The following SGCZ variants were observed in gnomAD, a reference collection of about 807,000 sequenced individuals.
SGCZ encodes the protein zeta-sarcoglycan.
In SGCZ, 40 loss-of-function variants were observed where a neutral mutation model predicts 41.3. The observed-to-expected ratio is 0.97, with a 90% CI of 0.75 to 1.26. The LOEUF is 1.26. Among genes scored for constraint, SGCZ ranks in the 50% most tolerant of loss-of-function variants. SGCZ has a pLI of 0.00. For missense variants in SGCZ, 552 were observed against 369.8 expected, an observed-to-expected ratio of 1.49 and a Z score of -4.04; for synonymous variants, 206 against 137.5, an observed-to-expected ratio of 1.50 and a Z score of -3.49.
chr8:14,838,702 C>T (rs1025842741), intron 1 of SGCZ, among the ~76,000 whole-genome samples: 16 of 152,160 alleles, frequency 1.1e-4, no homozygotes, highest in African/African-American at 3.6e-4. Flanking sequence ...CCCTGTGACA[C>T]GGCTTGGTGT....
chr8:15,067,448 G>C (rs961239087), intron 1 of SGCZ, among the ~76,000 whole-genome samples: 12 of 152,118 alleles, frequency 7.9e-5, no homozygotes, highest in Non-Finnish European at 1.6e-4. Context: ...ACCTACCATA[G>C]ATAAGTTAAG....
intron 2 of SGCZ, among the ~76,000 whole-genome samples, chr8:14,415,692 C>T (rs902679204): frequency 6.6e-6 from 1 of 151,778 alleles, no homozygotes; most frequent in Admixed American, 6.6e-5. Context: ...GTATTTTGTT[C>T]GTTTAGATAT....
rs1031515492 is a variant in SGCZ at position 14,554,897 on chromosome 8, G to T, written c.69C>A (p.Thr23=). The T allele has an allele frequency of 1.9e-6, 3 of 1,612,090 alleles. No individual in the cohort carries two copies. The highest frequency in any genetic ancestry group is 2.5e-6 in the Non-Finnish European group (3 of 1,179,092). The part of the protein sequence containing the change: ...KMTREQYILA[T]QQNNLPRTEN... ...CAGTCCTTGGCAGGTTATTCTGTTGGGTTGCTAGTATGTATTGTTCTCGTG... is the reference window on the plus strand; with the variant it reads ...CAGTCCTTGGCAGGTTATTCTGTTGTGTTGCTAGTATGTATTGTTCTCGTG... The change falls in exon 2 of 8, where the codon ACC becomes ACA. Residue 23 remains threonine (T), a synonymous_variant. Coordinates refer to ENST00000382080, the MANE Select transcript of SGCZ (RefSeq NM_139167.4).
chr8:14,503,169 CAT>C (rs2117056237), intron 2 of SGCZ, among the ~76,000 whole-genome samples: 1 of 152,134 alleles, frequency 6.6e-6, no homozygotes, highest in African/African-American at 2.4e-5. Flanking sequence ...AAGCAGAAAC[CAT>C]CATTCTCAGC....
Position 14,621,204 on chromosome 8 carries a change from G to A in SGCZ, c.40-66278C>T, listed in dbSNP as rs530215781. ...ATCACAAGGACAAAAAACCAAAACC[G>A]CATGTTCTCACTCATAGGTGGGAAT... On this transcript the variant is annotated intron_variant, in intron 1 of 7. Coordinates refer to ENST00000382080, the MANE Select transcript of SGCZ (RefSeq NM_139167.4). Among the ~76,000 whole-genome samples the A allele has an allele frequency of 5.5e-5, 8 of 146,434 alleles. No individual in the cohort carries two copies. The South Asian group carries it at 8.6e-4, about 16-fold the overall frequency.
chr8:14,877,874 G>C (rs1015647488), intron 1 of SGCZ, among the ~76,000 whole-genome samples: 5 of 151,672 alleles, frequency 3.3e-5, no homozygotes, highest in African/African-American at 9.7e-5. Context: ...GTTCCTTTCT[G>C]TTATTACATT....
intron 1 of SGCZ, among the ~76,000 whole-genome samples, chr8:15,024,763 C>T (rs772387533): frequency 1.3e-5 from 2 of 151,864 alleles, no homozygotes; most frequent in Non-Finnish European, 2.9e-5. Context: ...GGTGAAACCC[C>T]ATCTCTACTA....
chr8:14,479,190 A>G (rs1801450196), intron 2 of SGCZ, among the ~76,000 whole-genome samples: 2 of 152,344 alleles, frequency 1.3e-5, no homozygotes, highest in African/African-American at 4.8e-5. Context: ...AGTGAAGCCG[A>G]CAGCGCAGCC....
chr8:14,182,034 T>C (rs1804745371), intron 4 of SGCZ, among the ~76,000 whole-genome samples: 1 of 152,154 alleles, frequency 6.6e-6, no homozygotes, highest in Non-Finnish European at 1.5e-5. Context: ...GCATCATAAA[T>C]ATAGTTAGTT....
rs143978943 is a variant in SGCZ at position 14,585,561 on chromosome 8, A to C, written c.40-30635T>G. Reference sequence around the variant, plus strand: ...TTGAAATGGAACCAAGGCAAAAATAAACCTATTAATGTATTTTAGTGTCTT... The same window carrying C: ...TTGAAATGGAACCAAGGCAAAAATACACCTATTAATGTATTTTAGTGTCTT... On this transcript the variant is annotated intron_variant, in intron 1 of 7. Coordinates refer to ENST00000382080, the MANE Select transcript of SGCZ (RefSeq NM_139167.4). Among the ~76,000 whole-genome samples, 355 of 152,254 alleles carry C rather than the reference A, an allele frequency of 2.3e-3. 1 individual carries two copies. The highest frequency in any genetic ancestry group is 8.2e-3 in the African/African-American group (341 of 41,572).
chr8:14,509,156 C>G (rs10110258), intron 2 of SGCZ, among the ~76,000 whole-genome samples: 2,389 of 152,120 alleles, frequency 0.016, 58 homozygotes, highest in African/African-American at 0.055. Flanking sequence ...TAAATTTAGA[C>G]TAGATTTTTT....
chr8:14,778,575 T>C (rs772755586), intron 1 of SGCZ, among the ~76,000 whole-genome samples: 1 of 151,874 alleles, frequency 6.6e-6, no homozygotes, highest in Non-Finnish European at 1.5e-5. Flanking sequence ...TTAAAATGTA[T>C]GTGGATGACA....
intron 1 of SGCZ, among the ~76,000 whole-genome samples, chr8:15,086,679 CT>C (rs962386748): frequency 6.6e-6 from 1 of 151,742 alleles, no homozygotes; most frequent in Non-Finnish European, 1.5e-5. Flanking sequence ...AATAATTCTG[CT>C]TTTTTTTAAA....
At chr8:14,603,274 A>C (rs1277342985) in intron 1 of SGCZ, among the ~76,000 whole-genome samples, 2 of 152,218 alleles carry the variant, frequency 1.3e-5, no homozygotes, top group Non-Finnish European at 2.9e-5. Context: ...AATTAAAAGT[A>C]ACTCAATTCA....
chr8:15,234,019 C>T (rs985297955), intron 1 of SGCZ, among the ~76,000 whole-genome samples: 3 of 151,946 alleles, frequency 2.0e-5, no homozygotes, highest in Admixed American at 6.6e-5. Context: ...GAATTAGTAC[C>T]CATATTTTAA....
At chr8:15,034,274 A>T (rs1035604549) in intron 1 of SGCZ, among the ~76,000 whole-genome samples, 4 of 152,152 alleles carry the variant, frequency 2.6e-5, no homozygotes, top group Admixed American at 2.0e-4. Flanking sequence ...TATAAATTTT[A>T]AAAAATTAAA....
At chr8:14,583,902 C>A (rs545321771) in intron 1 of SGCZ, among the ~76,000 whole-genome samples, 220 of 151,854 alleles carry the variant, frequency 1.4e-3, no homozygotes, top group African/African-American at 5.1e-3. Flanking sequence ...TCTATTTTCC[C>A]ATTTTGAGGT....
chr8:15,057,343 G>C (rs994880026), intron 1 of SGCZ, among the ~76,000 whole-genome samples: 11 of 152,100 alleles, frequency 7.2e-5, no homozygotes, highest in African/African-American at 2.4e-4. Flanking sequence ...GTTCCTATTA[G>C]ACACCATGAC....
In SGCZ at chr8:14,981,690, A is replaced by C. The variant is rs368703229; in HGVS notation, c.39+255895T>G. On this transcript the variant is annotated intron_variant, in intron 1 of 7. Coordinates refer to ENST00000382080, the MANE Select transcript of SGCZ (RefSeq NM_139167.4). ...AGCCAATGTACATGATTCTATGAAC[A>C]GGATGTGTATAAATATACACAGGAG... 4.6e-3 allele frequency among the ~76,000 whole-genome samples: 705 copies of C among 152,334 alleles called. 4 individuals carry two copies. The highest frequency in any genetic ancestry group is 0.019 in the South Asian group (91 of 4,832).
Sources: gnomAD v4.1 joint callset for allele counts (sites outside exome capture counted in the v4.1 genomes callset) on GRCh38, gnomAD v4.1.1 for gene constraint, MANE v1.5 for transcripts, NCBI Gene and HGNC (gene_info 2026-07-23, HGNC 2026-07-21) for gene names.